CFAP299: variants seen among roughly 807,000 people sequenced by gnomAD.
CFAP299 encodes the protein cilia and flagella associated protein 299, also known as cilia- and flagella-associated protein 299.
Under a neutral mutation model 27.0 loss-of-function variants are expected in CFAP299, and 21 were observed. That is an observed-to-expected ratio of 0.78 (90% CI 0.55 to 1.12). The LOEUF (loss-of-function observed/expected upper bound fraction) is 1.12, where lower values mean the gene tolerates loss of function less well. Among genes scored for constraint, CFAP299 ranks in the 50% most tolerant of loss-of-function variants. The pLI is 0.00. For missense variants in CFAP299, 310 were observed against 276.6 expected (o/e 1.12, Z -0.86); for synonymous variants, 104 against 98.1 (o/e 1.06, Z -0.36).
intron 2 of CFAP299, among the ~76,000 whole-genome samples, chr4:80,398,559 T>G (rs529176802): frequency 1.1e-3 from 164 of 152,286 alleles, no homozygotes; most frequent in Non-Finnish European, 1.5e-3. Context: ...ATCTGATCTT[T>G]GACAAACTTG....
chr4:80,751,210 TCTCCCAGG>T lies in CFAP299; in HGVS notation c.334-118782_334-118775del, dbSNP rs545822894. On this transcript the variant is annotated intron_variant, in intron 3 of 5. Transcript: ENST00000358105. ...TGAGGTTTTCCTGGGAGAGACCCTC[TCTCCCAGG>T]GCCTACTGACCAGTTGCCAGCCTGA... is the stretch of plus-strand genomic sequence containing the variant. Among the ~76,000 whole-genome samples the T allele has an allele frequency of 2.5e-4, 38 of 152,150 alleles. No individual in the cohort carries two copies. The South Asian group carries it at 7.5e-3, about 30-fold the overall frequency.
chr4:80,710,822 T>A (rs1722118560), intron 3 of CFAP299, among the ~76,000 whole-genome samples: 1 of 152,116 alleles, frequency 6.6e-6, no homozygotes, highest in African/African-American at 2.4e-5. Context: ...ACACTAATAC[T>A]GGCTGATTAT....
Position 80,782,742 on chromosome 4 carries a change from TG to T in CFAP299, c.334-87249del, listed in dbSNP as rs1217109611. ...TATGAATATATAATATATTCACATA[TG>T]GCATACATATATGAATATATAATAT... is the stretch of plus-strand genomic sequence containing the variant. On this transcript the variant is annotated intron_variant, in intron 3 of 5. Coordinates refer to ENST00000358105, the MANE Select transcript of CFAP299 (RefSeq NM_152770.3). 5.1e-5 allele frequency among the ~76,000 whole-genome samples: 7 copies of T among 138,126 alleles called. No homozygotes were observed. The East Asian group carries it at 1.2e-3, about 23-fold the overall frequency. 90.6% of individuals were successfully genotyped at this position (138,126 alleles called of 152,430 possible).
At chr4:80,795,040 A>G (rs1252479256) in intron 3 of CFAP299, among the ~76,000 whole-genome samples, 2 of 152,124 alleles carry the variant, frequency 1.3e-5, no homozygotes, top group Non-Finnish European at 2.9e-5. Context: ...TTGGGAGATG[A>G]CAGGGATGGC....
chr4:80,655,848 C>T (rs1740527848), intron 3 of CFAP299, among the ~76,000 whole-genome samples: 1 of 152,122 alleles, frequency 6.6e-6, no homozygotes. Flanking sequence ...TCACATATAT[C>T]ACAAAGAAAC....
chr4:80,644,072 A>G (rs1399905861), intron 3 of CFAP299, among the ~76,000 whole-genome samples: 1 of 152,184 alleles, frequency 6.6e-6, no homozygotes, highest in African/African-American at 2.4e-5. Context: ...TGTAGTTATT[A>G]GAAAATAAAT....
intron 2 of CFAP299, among the ~76,000 whole-genome samples, chr4:80,372,530 C>T (rs188098522): frequency 6.6e-6 from 1 of 152,326 alleles, no homozygotes; most frequent in African/African-American, 2.4e-5. Context: ...TTAAGCCATC[C>T]TCTCTGTGAT....
chr4:80,519,360 C>A (rs1469737845), intron 2 of CFAP299, among the ~76,000 whole-genome samples: 1 of 152,100 alleles, frequency 6.6e-6, no homozygotes, highest in Non-Finnish European at 1.5e-5. Flanking sequence ...GCATGTGCCA[C>A]CACAGGTGGC....
intron 3 of CFAP299, among the ~76,000 whole-genome samples, chr4:80,734,599 G>T (rs2110058538): frequency 6.6e-6 from 1 of 152,186 alleles, no homozygotes; most frequent in East Asian, 1.9e-4. Context: ...ATAGTTTGAG[G>T]TCTTAGATTT....
Position 80,410,214 on chromosome 4 carries a change from A to G in CFAP299, c.242+47330A>G, listed in dbSNP as rs185223480. On this transcript the variant is annotated intron_variant, in intron 2 of 5. Transcript: ENST00000358105. ...CAAGAGAAAAAGTTCAGTTGGTCAT[A>G]AAGATGGACATAAGTATAAGGAAGG... is the stretch of plus-strand genomic sequence containing the variant. 1.6e-4 allele frequency among the ~76,000 whole-genome samples: 24 copies of G among 152,378 alleles called. No homozygotes were observed. In the East Asian group the frequency reaches 4.4e-3, roughly 28 times the overall value.
At chr4:80,858,930 T>G (rs1732119477) in intron 3 of CFAP299, among the ~76,000 whole-genome samples, 1 of 152,172 alleles carries the variant, frequency 6.6e-6, no homozygotes, top group South Asian at 2.1e-4. Flanking sequence ...TTAGGTCCGC[T>G]TGGTGCAGAG....
intron 2 of CFAP299, among the ~76,000 whole-genome samples, chr4:80,579,738 A>G (rs1736070928): frequency 6.6e-6 from 1 of 152,134 alleles, no homozygotes; most frequent in African/African-American, 2.4e-5. Flanking sequence ...TGCAAAATAT[A>G]TAATAAAATG....
At chr4:80,591,965 T>G (rs1057204483) in intron 3 of CFAP299, among the ~76,000 whole-genome samples, 14 of 152,200 alleles carry the variant, frequency 9.2e-5, no homozygotes, top group Non-Finnish European at 2.1e-4. Flanking sequence ...ACTAATTCCA[T>G]CCAGAAGAAA....
At chr4:80,837,554 T>G (rs894168691) in intron 3 of CFAP299, among the ~76,000 whole-genome samples, 12 of 152,152 alleles carry the variant, frequency 7.9e-5, no homozygotes, top group African/African-American at 2.9e-4. Flanking sequence ...TCTGTTCCTT[T>G]GTTAGTTTGC....
At chr4:80,549,064 G>C (rs1411633887) in intron 2 of CFAP299, among the ~76,000 whole-genome samples, 1 of 152,092 alleles carries the variant, frequency 6.6e-6, no homozygotes, top group Non-Finnish European at 1.5e-5. Flanking sequence ...GAGAGGAAGA[G>C]AGTGGCAAGA....
Position 80,548,310 on chromosome 4 carries a change from G to A in CFAP299, c.243-34783G>A, listed in dbSNP as rs74864977. On this transcript the variant is annotated intron_variant, in intron 2 of 5. Coordinates refer to ENST00000358105, the MANE Select transcript of CFAP299 (RefSeq NM_152770.3). Reference sequence around the variant, plus strand: ...AAATTCAAATACCTTATGTTCTCAAGTATAAGTGGGAGCTAAACATTTTAC... The same window carrying A: ...AAATTCAAATACCTTATGTTCTCAAATATAAGTGGGAGCTAAACATTTTAC... 2.9e-3 allele frequency among the ~76,000 whole-genome samples: 445 copies of A among 152,222 alleles called. 2 individuals carry two copies. Among genetic ancestry groups the A allele is most frequent in the African/African-American group, 0.01 (432 of 41,546 alleles).
At chr4:80,801,216 G>T in intron 3 of CFAP299, among the ~76,000 whole-genome samples, 1 of 150,348 alleles carries the variant, frequency 6.7e-6, no homozygotes. Context: ...TGAACATATA[G>T]ATTTTTATAT....
chr4:80,324,655 A>G, the CFAP299 span, among the ~76,000 whole-genome samples: 1 of 152,212 alleles, frequency 6.6e-6, no homozygotes, highest in Non-Finnish European at 1.5e-5. Flanking sequence ...AATCAGGGAT[A>G]CTAACACTGA....
chr4:80,377,103 A>G (rs1724451851), intron 2 of CFAP299, among the ~76,000 whole-genome samples: 1 of 152,010 alleles, frequency 6.6e-6, no homozygotes, highest in South Asian at 2.1e-4. Flanking sequence ...TGAAGAGTAG[A>G]TTTAAATTTT....
Sources: allele counts gnomAD v4.1 joint callset (sites outside exome capture counted in the v4.1 genomes callset), GRCh38; gene constraint gnomAD v4.1.1; transcripts MANE v1.5; gene names NCBI Gene and HGNC (gene_info 2026-07-23, HGNC 2026-07-21).